Variants in CABYR observed in about 807,000 individuals in gnomAD.
CABYR encodes calcium binding tyrosine phosphorylation regulated.
In CABYR, 31 loss-of-function variants were observed where a neutral mutation model predicts 36.1. The ratio of observed to expected loss-of-function variants is 0.86; its 90% CI spans 0.64 to 1.16. The LOEUF (loss-of-function observed/expected upper bound fraction) is 1.16. Among genes scored for constraint, CABYR ranks in the 50% most tolerant of loss-of-function variants. The pLI is 0.00. For missense variants in CABYR, 429 were observed against 455.8 expected (o/e 0.94, Z 0.53); for synonymous variants, 146 against 160.7 (o/e 0.91, Z 0.69).
At chr18:24,143,938 C>T (rs1372805239) in intron 3 of CABYR, among the ~76,000 whole-genome samples, 1 of 151,626 alleles carries the variant, frequency 6.6e-6, no homozygotes, top group Non-Finnish European at 1.5e-5. Flanking sequence ...CACTCTGTTG[C>T]CCAGGCTGGA....
At chr18:24,146,632 C>G (rs946291758) in intron 3 of CABYR, among the ~76,000 whole-genome samples, 1 of 152,038 alleles carries the variant, frequency 6.6e-6, no homozygotes, top group African/African-American at 2.4e-5. Context: ...TTTTCCCACT[C>G]TGAAAGACAA....
At position 24,159,590 on chromosome 18, in the gene CABYR, T is replaced by C. The variant is rs1567905036; in HGVS notation, c.660T>C (p.Phe220=). 2 of 1,613,916 alleles carry C rather than the reference T, an allele frequency of 1.2e-6. No individual in the cohort carries two copies. Among genetic ancestry groups the C allele is most frequent in the African/African-American group, 1.3e-5 (1 of 74,858 alleles). Residue 220 remains phenylalanine (F), a synonymous_variant, in exon 5 of 6, where the codon TTT becomes TTC. Transcript: ENST00000399496. ...CACCGCCACCTGCACCTGGGCCTTTTCCCCAAGCAACCCTCTATTTACCTA... is the reference window on the plus strand; with the variant it reads ...CACCGCCACCTGCACCTGGGCCTTTCCCCCAAGCAACCCTCTATTTACCTA... ...HPSPPPAPGP[F]PQATLYLPNP... is the part of the protein sequence containing the mutation.
chr18:24,153,262 C>T (rs1477830372), intron 3 of CABYR, among the ~76,000 whole-genome samples: 5 of 151,948 alleles, frequency 3.3e-5, no homozygotes, highest in African/African-American at 9.7e-5. Flanking sequence ...GGGGCTTTCT[C>T]GGTGTTCCTG....
chr18:24,146,880 A>AGG lies in CABYR; in HGVS notation c.199+3468_199+3469insGG, dbSNP rs983112346. ...ATAAAGTGACCTAGAATGCCAGCCT[A>AGG]GAATTAATATATACCCAGGGAATAT... On this transcript the variant is annotated intron_variant, in intron 3 of 5. Transcript: ENST00000399496. Among the ~76,000 whole-genome samples, 97 of 152,350 alleles carry AGG rather than the reference A, an allele frequency of 6.4e-4. 1 individual carries two copies. Among genetic ancestry groups the AGG allele is most frequent in the African/African-American group, 2.3e-3 (95 of 41,574 alleles).
chr18:24,143,069 T>A, intron 1 of CABYR, 22 bp from the exon 2 acceptor site: 1 of 1,469,244 alleles, frequency 6.8e-7, no homozygotes, highest in Non-Finnish European at 9.2e-7. Flanking sequence ...TAATTACTTC[T>A]AAGACTTTTT....
chr18:24,154,891 A>G (rs1326494017), intron 3 of CABYR, among the ~76,000 whole-genome samples: 7 of 152,214 alleles, frequency 4.6e-5, no homozygotes, highest in Admixed American at 4.6e-4. Context: ...TTTCAGATCC[A>G]GAGATATCTT....
At chr18:24,155,044 T>A (rs1177691605) in intron 3 of CABYR, among the ~76,000 whole-genome samples, 1 of 152,246 alleles carries the variant, frequency 6.6e-6, no homozygotes, top group Non-Finnish European at 1.5e-5. Flanking sequence ...ATTCATTAAG[T>A]TAAACTTTAT....
Position 24,143,105 on chromosome 18 carries a change from T to A in CABYR, c.-10T>A, listed in dbSNP as rs76208354. The A allele has an allele frequency of 2.8e-3, 4,503 of 1,583,926 alleles. 98 individuals carry two copies. In the African/African-American group the frequency reaches 0.052, roughly 18 times the overall value. ...CTTCATTCTAGTTGAGTTACAGACATCCTGCCAAAATGATTTCTTCAAAGC... is the reference window on the plus strand; with the variant it reads ...CTTCATTCTAGTTGAGTTACAGACAACCTGCCAAAATGATTTCTTCAAAGC... On this transcript the variant is annotated 5_prime_UTR_variant, in exon 2 of 6. Coordinates refer to ENST00000399496, the MANE Select transcript of CABYR (RefSeq NM_153769.3).
chr18:24,143,758 A>G (rs917969070), intron 3 of CABYR, among the ~76,000 whole-genome samples: 6 of 151,642 alleles, frequency 4.0e-5, no homozygotes, highest in African/African-American at 1.5e-4. Context: ...CTAGACTTGA[A>G]CTCCTGGATG....
At chr18:24,156,550 A>G in intron 4 of CABYR, 1 of 1,614,232 alleles carries the variant, frequency 6.2e-7, no homozygotes, top group Non-Finnish European at 8.5e-7. Context: ...GTAGTAGAAA[A>G]GACCACCTCT....
chr18:24,159,872 T>C lies in CABYR; in HGVS notation c.942T>C (p.Asn314=). Residue 314 remains asparagine (N), a synonymous_variant, in exon 5 of 6, where the codon AAT becomes AAC. Coordinates refer to ENST00000399496, the MANE Select transcript of CABYR (RefSeq NM_153769.3). ...KYQKHTLSPQ[N]ANPPSGQDVP... ...AGAAACATACCCTAAGTCCCCAGAA[T>C]GCTAATCCTCCAAGTGGACAAGATG... The C allele has an allele frequency of 6.2e-7, 1 of 1,614,176 alleles. No individual in the cohort carries two copies. Among genetic ancestry groups the C allele is most frequent in the Non-Finnish European group, 8.5e-7 (1 of 1,180,040 alleles).
In CABYR at chr18:24,159,602, C is replaced by A. The variant is rs759993762; in HGVS notation, c.672C>A (p.Thr224=). ...CACCTGGGCCTTTTCCCCAAGCAACCCTCTATTTACCTAATCCTAAGGATC... is the reference window on the plus strand; with the variant it reads ...CACCTGGGCCTTTTCCCCAAGCAACACTCTATTTACCTAATCCTAAGGATC... ...PPAPGPFPQA[T]LYLPNPKDPQ... The change falls in exon 5 of 6, where the codon ACC becomes ACA. Residue 224 remains threonine, a synonymous_variant. Transcript: ENST00000399496. The A allele has an allele frequency of 6.2e-7, 1 of 1,614,018 alleles. No individual in the cohort carries two copies. Among genetic ancestry groups the A allele is most frequent in the South Asian group, 1.1e-5 (1 of 91,064 alleles).
intron 5 of CABYR, 51 bp from the exon 6 acceptor site, chr18:24,161,465 C>G: frequency 1.3e-6 from 1 of 776,622 alleles, no homozygotes; most frequent in Non-Finnish European, 2.4e-6. Context: ...TTCACATGTT[C>G]GGTTTCATGT....
intron 1 of CABYR, 67 bp from the exon 2 acceptor site, chr18:24,143,022 CAA>C (rs11320479): frequency 0.04 from 27,247 of 688,236 alleles, 37 homozygotes; most frequent in African/African-American, 0.077. Context: ...GACAGAGTCT[CAA>C]AAAAAAAAAA....
chr18:24,141,409 T>C (rs967444199), intron 1 of CABYR, among the ~76,000 whole-genome samples: 3 of 152,212 alleles, frequency 2.0e-5, no homozygotes, highest in Non-Finnish European at 4.4e-5. Flanking sequence ...CTATTTGCTT[T>C]ATAAGGACTT....
intron 3 of CABYR, among the ~76,000 whole-genome samples, chr18:24,147,129 A>C (rs1177580376): frequency 6.6e-6 from 1 of 152,022 alleles, no homozygotes; most frequent in Non-Finnish European, 1.5e-5. Context: ...TTGTCTCTAC[A>C]GAACATTTTT....
At chr18:24,146,796 T>C (rs1439855827) in intron 3 of CABYR, among the ~76,000 whole-genome samples, 1 of 151,910 alleles carries the variant, frequency 6.6e-6, no homozygotes, top group Non-Finnish European at 1.5e-5. Context: ...GGAACAATAA[T>C]AAGACAAATA....
At chr18:24,159,020 T>C (rs982834315) in intron 4 of CABYR, among the ~76,000 whole-genome samples, 12 of 152,292 alleles carry the variant, frequency 7.9e-5, no homozygotes, top group Non-Finnish European at 1.3e-4. Context: ...CAGAGAGATT[T>C]TGATTATGTG....
chr18:24,150,035 C>T (rs899951982), intron 3 of CABYR, among the ~76,000 whole-genome samples: 16 of 152,276 alleles, frequency 1.1e-4, no homozygotes, highest in African/African-American at 3.4e-4. Context: ...GCTCAAGTGC[C>T]GCCAAAGTGG....
Sources: gnomAD v4.1 joint callset for allele counts (sites outside exome capture counted in the v4.1 genomes callset) on GRCh38, gnomAD v4.1.1 for gene constraint, MANE v1.5 for transcripts, NCBI Gene and HGNC (gene_info 2026-07-23, HGNC 2026-07-21) for gene names.